Variants in THOC2 observed in about 807,000 individuals in gnomAD.
The protein encoded by THOC2 is THO complex subunit 2.
A neutral mutation model predicts 128.4 loss-of-function variants in THOC2; 10 were observed. The observed-to-expected ratio is 0.08, with a 90% CI of 0.05 to 0.13. The LOEUF is 0.13. Among genes scored for constraint, THOC2 ranks in the 10% least tolerant of loss-of-function variants. The probability of loss-of-function intolerance (pLI) is 1.00; values close to 1 mark genes in which losing one functional copy is unlikely to be tolerated. For synonymous variants in THOC2, 393 were observed against 396.9 expected (o/e 0.99, Z 0.12); for missense variants, 535 against 1,155.7 (o/e 0.46, Z 7.79).
chrX:123,719,501 C>T (rs959929120), intron 1 of THOC2, among the ~76,000 whole-genome samples: 1 of 110,128 alleles, frequency 9.1e-6, no homozygotes, highest in African/African-American at 3.3e-5. Flanking sequence ...TTGAGACCAG[C>T]CTGGGCAACC....
intron 12 of THOC2, among the ~76,000 whole-genome samples, chrX:123,655,085 G>GA (rs1384935379): frequency 1.8e-5 from 2 of 111,227 alleles, no homozygotes; most frequent in East Asian, 2.8e-4. Flanking sequence ...GAAGAGAGAG[G>GA]AAAAAAACAC....
At chrX:123,689,656 G>C (rs1472061447) in intron 7 of THOC2, among the ~76,000 whole-genome samples, 2 of 111,328 alleles carry the variant, frequency 1.8e-5, no homozygotes, top group Non-Finnish European at 3.8e-5. Context: ...CTAGTCTCAA[G>C]TGATCCTCCT....
At chrX:123,648,392 C>G (rs2048218071) in intron 12 of THOC2, among the ~76,000 whole-genome samples, 1 of 111,934 alleles carries the variant, frequency 8.9e-6, no homozygotes, top group Non-Finnish European at 1.9e-5. Flanking sequence ...TTTGGGCAGA[C>G]ACTGAGCTAG....
At position 123,640,683 on chromosome X, in the gene THOC2, A is replaced by C. The variant is rs373984579; in HGVS notation, c.1662-61T>G. 1.2e-4 allele frequency: 82 copies of C among 670,065 alleles called. 1 individual carries two copies. The highest frequency in any genetic ancestry group is 1.2e-3 in the African/African-American group (53 of 44,654). The allele number at this position is 670,065 out of a possible 1,213,427, so 55.2% of individuals were successfully genotyped here. On this transcript the variant is annotated intron_variant, in intron 15 of 38. Coordinates refer to ENST00000245838, the MANE Select transcript of THOC2 (RefSeq NM_001081550.2). ...AAGTAACATTCCTTGTAATGTTGAT[A>C]GCTTTGTTACATCATCGTGGGGGAA...
chrX:123,732,157 C>T (rs965201606), intron 1 of THOC2, among the ~76,000 whole-genome samples: 1 of 111,434 alleles, frequency 9.0e-6, no homozygotes, highest in Non-Finnish European at 1.9e-5. Context: ...CTAAAGGAAA[C>T]GCGTTATCCT....
At chrX:123,641,133 C>T (rs2047896950) in intron 15 of THOC2, among the ~76,000 whole-genome samples, 1 of 111,881 alleles carries the variant, frequency 8.9e-6, no homozygotes, top group Non-Finnish European at 1.9e-5. Flanking sequence ...TCAAGGTAAA[C>T]AATATTTTGA....
chrX:123,650,117 A>C lies in THOC2; in HGVS notation c.1387-4742T>G, dbSNP rs1468643913. 1.2e-4 allele frequency among the ~76,000 whole-genome samples: 13 copies of C among 112,214 alleles called. No individual in the cohort carries two copies. In the Admixed American group the frequency reaches 1.2e-3, roughly 11 times the overall value. On this transcript the variant is annotated intron_variant, in intron 12 of 38. Coordinates refer to ENST00000245838, the MANE Select transcript of THOC2 (RefSeq NM_001081550.2). ...GACTAACAGCGGATCTCTCAGCAGAAACCTTACAAGCCAGAAGAGATTGGG... is the reference window on the plus strand; with the variant it reads ...GACTAACAGCGGATCTCTCAGCAGACACCTTACAAGCCAGAAGAGATTGGG...
chrX:123,713,340 C>T (rs755628673), intron 1 of THOC2, among the ~76,000 whole-genome samples: 2 of 109,767 alleles, frequency 1.8e-5, no homozygotes, highest in African/African-American at 3.3e-5. Context: ...TCAGGCGTGG[C>T]GGCATGCACG....
rs747207092 is a variant in THOC2 at position 123,637,991 on chromosome X, T to C, written c.1921+52A>G. 38 of 894,166 alleles carry C rather than the reference T, an allele frequency of 4.2e-5. No individual in the cohort carries two copies. The South Asian group carries it at 7.2e-4, about 17-fold the overall frequency. The allele number at this position is 894,166 out of a possible 1,213,427, so 73.7% of individuals were successfully genotyped here. ...AGCATCGGTAATAAAATGCATAACA[T>C]GGCAGTTACCACAGATAGTAATTTC... On this transcript the variant is annotated intron_variant, in intron 18 of 38. Coordinates refer to ENST00000245838, the MANE Select transcript of THOC2 (RefSeq NM_001081550.2).
chrX:123,649,676 C>T (rs778701745), intron 12 of THOC2, among the ~76,000 whole-genome samples: 8 of 109,626 alleles, frequency 7.3e-5, no homozygotes, highest in South Asian at 4.0e-4. Context: ...TATCAATAGC[C>T]GAATCGACCA....
chrX:123,671,670 T>G lies in THOC2; in HGVS notation c.860A>C (p.His287Pro). The G allele has an allele frequency of 8.9e-7, 1 of 1,129,605 alleles. No individual in the cohort carries two copies. Among genetic ancestry groups the G allele is most frequent in the Non-Finnish European group, 1.2e-6 (1 of 834,562 alleles). The allele number at this position is 1,129,605 out of a possible 1,213,427, so 93.1% of individuals were successfully genotyped here. ...NLIDLDDLYV[H>P]LLPADNCIMD... The stretch of plus-strand genomic sequence containing the variant: ...TTCTTAGCAGCCCACTTGACTTACA[T>G]GTACATAAAGATCATCTAAATCAAT... The change falls in exon 9 of 39, where the codon CAT (histidine) becomes CCT (proline). Residue 287 changes from histidine (H) to proline (P), a missense_variant and splice_region_variant. By Grantham distance (77) the His-to-Pro change is moderately conservative (BLOSUM62 -2). This residue lies in a region of THOC2 where 197 missense variants were observed against 313.4 expected (regional missense o/e 0.63). Transcript: ENST00000245838.
chrX:123,717,197 C>A (rs1457255604), intron 1 of THOC2, among the ~76,000 whole-genome samples: 3 of 110,653 alleles, frequency 2.7e-5, no homozygotes, highest in Admixed American at 9.7e-5. Flanking sequence ...AATGACTACA[C>A]CATAAAGTTA....
chrX:123,730,187 T>G lies in THOC2; in HGVS notation c.71+2765A>C, dbSNP rs976353881. Among the ~76,000 whole-genome samples, 29 of 110,123 alleles carry G rather than the reference T, an allele frequency of 2.6e-4. 1 individual carries two copies. Among genetic ancestry groups the G allele is most frequent in the African/African-American group, 3.3e-4 (10 of 30,495 alleles). On this transcript the variant is annotated intron_variant, in intron 1 of 38. Transcript: ENST00000245838. ...TTGTTTTTGTTTGGGTTTTTGTTTT[T>G]TTTTTTTTTTTAAAGAGTTTCGCTC...
At position 123,686,769 on chromosome X, in the gene THOC2, G is replaced by A. The variant is rs879167958; in HGVS notation, c.602-55C>T. 10 of 936,706 alleles carry A rather than the reference G, an allele frequency of 1.1e-5. No homozygotes were observed. The East Asian group carries it at 3.2e-4, about 30-fold the overall frequency. The allele number at this position is 936,706 out of a possible 1,213,427, so 77.2% of individuals were successfully genotyped here. On this transcript the variant is annotated intron_variant, in intron 7 of 38. Coordinates refer to ENST00000245838, the MANE Select transcript of THOC2 (RefSeq NM_001081550.2). ...AAAATGATTATACATCATTTCTAGT[G>A]AAGCCATTAATTTTCAGGAATAACT...
intron 30 of THOC2, among the ~76,000 whole-genome samples, chrX:123,622,157 G>T (rs1240169799): frequency 9.0e-6 from 1 of 111,592 alleles, no homozygotes; most frequent in African/African-American, 3.3e-5. Flanking sequence ...CAGCACTTTG[G>T]GAGGCCAAAG....
chrX:123,665,297 C>T (rs1242111983), intron 12 of THOC2, among the ~76,000 whole-genome samples: 3 of 111,657 alleles, frequency 2.7e-5, no homozygotes, highest in African/African-American at 9.8e-5. Flanking sequence ...TACAACTCCC[C>T]ACAGTATTCA....
rs895072714 is a variant in THOC2 at position 123,615,802 on chromosome X, G to A, written c.4312-1613C>T. ...AAATACTTCATTCTTGACATAAAAA[G>A]TCACATAGCTCAACTGACAATCAGA... On this transcript the variant is annotated intron_variant, in intron 33 of 38. Coordinates refer to ENST00000245838, the MANE Select transcript of THOC2 (RefSeq NM_001081550.2). 6.3e-5 allele frequency among the ~76,000 whole-genome samples: 7 copies of A among 110,852 alleles called. No individual in the cohort carries two copies. In the South Asian group the frequency reaches 2.3e-3, roughly 36 times the overall value.
chrX:123,645,033 T>C, intron 13 of THOC2, 124 bp from the exon 14 acceptor site: 1 of 569,495 alleles, frequency 1.8e-6, no homozygotes, highest in Non-Finnish European at 2.7e-6. Context: ...ATCCCATTCC[T>C]CACCCACCCT....
chrX:123,614,215 A>T, intron 33 of THOC2, 26 bp from the exon 34 acceptor site: 1 of 1,108,250 alleles, frequency 9.0e-7, no homozygotes, highest in Non-Finnish European at 1.2e-6. Context: ...AATATTACTA[A>T]AGATTATTAG....
Sources: allele counts gnomAD v4.1 joint callset (sites outside exome capture counted in the v4.1 genomes callset), GRCh38; gene constraint gnomAD v4.1.1; regional missense constraint gnomAD v4.1.1; transcripts MANE v1.5; gene names NCBI Gene and HGNC (gene_info 2026-07-23, HGNC 2026-07-21).